The following LGR4 variants were observed in gnomAD, a reference collection of about 807,000 sequenced individuals.
LGR4 encodes the protein leucine-rich repeat-containing G protein-coupled receptor 4.
LGR4 carries 44 observed loss-of-function variants against 84.8 expected under a neutral mutation model. The observed-to-expected ratio is 0.52, with a 90% CI of 0.41 to 0.67. LGR4 has a LOEUF of 0.67. LGR4 is among the 30% of genes least tolerant of loss of function. The pLI, the probability that LGR4 is intolerant of heterozygous loss-of-function variation, is 0.00. For synonymous variants in LGR4, 429 were observed against 434.3 expected, an observed-to-expected ratio of 0.99 and a Z score of 0.15; for missense variants, 1,032 against 1,131.4, an observed-to-expected ratio of 0.91 and a Z score of 1.26.
At chr11:27,434,017 A>G (rs1007238672) in intron 1 of LGR4, among the ~76,000 whole-genome samples, 3 of 152,232 alleles carry the variant, frequency 2.0e-5, no homozygotes, top group Admixed American at 6.5e-5. Context: ...ATGGGAAAAT[A>G]TCTCCCCTAC....
Position 27,452,013 on chromosome 11 carries a change from A to C in LGR4, c.185+20105T>G, listed in dbSNP as rs965273378. On this transcript the variant is annotated intron_variant, in intron 1 of 17. Coordinates refer to ENST00000379214, the MANE Select transcript of LGR4 (RefSeq NM_018490.5). Reference sequence around the variant, plus strand: ...GGAATGTGGGCATGAAGCTGGGGGAAAAAATGGACACCCACGTAATCTTCC... The same window carrying C: ...GGAATGTGGGCATGAAGCTGGGGGACAAAATGGACACCCACGTAATCTTCC... Among the ~76,000 whole-genome samples, 4 of 152,222 alleles carry C rather than the reference A, an allele frequency of 2.6e-5. No individual in the cohort carries two copies. The East Asian group carries it at 7.7e-4, about 29-fold the overall frequency.
intron 1 of LGR4, among the ~76,000 whole-genome samples, chr11:27,456,203 G>A (rs931689561): frequency 1.3e-5 from 2 of 152,204 alleles, no homozygotes; most frequent in East Asian, 3.8e-4. Context: ...TGTGGCCACA[G>A]ATTCAATCAT....
At chr11:27,424,587 AC>A (rs571201991) in intron 1 of LGR4, among the ~76,000 whole-genome samples, 125 of 152,262 alleles carry the variant, frequency 8.2e-4, no homozygotes, top group Middle Eastern at 6.8e-3. Flanking sequence ...AGCTGATCAC[AC>A]CATTGCAGGA....
At chr11:27,385,739 C>T (rs1053586573) in intron 4 of LGR4, among the ~76,000 whole-genome samples, 2 of 149,516 alleles carry the variant, frequency 1.3e-5, no homozygotes, top group African/African-American at 4.9e-5. Context: ...AACTTTATAG[C>T]AGAAAGATAT....
At chr11:27,457,570 A>AC (rs1864597102) in intron 1 of LGR4, among the ~76,000 whole-genome samples, 1 of 152,248 alleles carries the variant, frequency 6.6e-6, no homozygotes, top group East Asian at 1.9e-4. Context: ...ATTGGTGATA[A>AC]CAAACCTCAC....
At position 27,384,360 on chromosome 11, in the gene LGR4, T is replaced by C; in HGVS notation, c.665A>G (p.Asp222Gly). The change falls in exon 6 of 18, where the codon GAT (aspartate) becomes GGT (glycine). Residue 222 changes from aspartate (D) to glycine (G), a missense_variant. Transcript: ENST00000379214. Reference sequence around the variant, plus strand: ...CAAGGTCTCCAGGTTATCTAGTCCATCAAAACAGTGTTGACTCAGGCTTCT... The same window carrying C: ...CAAGGTCTCCAGGTTATCTAGTCCACCAAAACAGTGTTGACTCAGGCTTCT... ...KIRSLSQHCFDGLDNLETLDL... is the reference protein window; with the variant it reads ...KIRSLSQHCFGGLDNLETLDL... The C allele has an allele frequency of 6.2e-7, 1 of 1,609,930 alleles. No individual in the cohort carries two copies. The highest frequency in any genetic ancestry group is 1.3e-5 in the African/African-American group (1 of 74,926).
At chr11:27,435,207 C>A (rs1334974463) in intron 1 of LGR4, among the ~76,000 whole-genome samples, 1 of 151,874 alleles carries the variant, frequency 6.6e-6, no homozygotes, top group Non-Finnish European at 1.5e-5. Flanking sequence ...GTGACGCACG[C>A]CTGTAATCCC....
intron 1 of LGR4, among the ~76,000 whole-genome samples, chr11:27,435,102 A>G (rs937246032): frequency 1.3e-5 from 2 of 152,112 alleles, no homozygotes; most frequent in African/African-American, 4.8e-5. Flanking sequence ...TTGGGAGGCC[A>G]AGTCGGGAGA....
At chr11:27,438,355 C>G (rs1864247447) in intron 1 of LGR4, among the ~76,000 whole-genome samples, 1 of 152,146 alleles carries the variant, frequency 6.6e-6, no homozygotes, top group Non-Finnish European at 1.5e-5. Flanking sequence ...CAGGGGTGAT[C>G]TGGCATTGGA....
intron 1 of LGR4, among the ~76,000 whole-genome samples, chr11:27,437,538 A>G (rs567653190): frequency 6.6e-6 from 1 of 152,304 alleles, no homozygotes; most frequent in African/African-American, 2.4e-5. Flanking sequence ...CTGGTCAGGT[A>G]TTTCCTGCAA....
intron 1 of LGR4, among the ~76,000 whole-genome samples, chr11:27,466,018 G>A (rs1009883530): frequency 6.6e-6 from 1 of 152,184 alleles, no homozygotes; most frequent in Non-Finnish European, 1.5e-5. Flanking sequence ...CTTTAACATT[G>A]CCAACAACTT....
intron 4 of LGR4, among the ~76,000 whole-genome samples, chr11:27,386,317 G>A (rs556948137): frequency 2.6e-4 from 39 of 152,272 alleles, no homozygotes; most frequent in Non-Finnish European, 4.6e-4. Flanking sequence ...GTAATTGTTG[G>A]AATAATTGCT....
intron 1 of LGR4, among the ~76,000 whole-genome samples, chr11:27,457,625 C>A (rs183717187): frequency 2.0e-5 from 3 of 152,320 alleles, no homozygotes; most frequent in Admixed American, 2.0e-4. Context: ...TTCTTATAAA[C>A]ATACATTTAC....
Position 27,367,652 on chromosome 11 carries a change from T to C in LGR4, c.*215A>G. 1 of 478,282 alleles carries C rather than the reference T, an allele frequency of 2.1e-6. No individual in the cohort carries two copies. Among genetic ancestry groups the C allele is most frequent in the Non-Finnish European group, 3.7e-6 (1 of 271,064 alleles). 29.6% of individuals were successfully genotyped at this position (478,282 alleles called of 1,614,324 possible). A position where few individuals can be genotyped will look rare whatever the true frequency, so the allele number is the denominator to read the frequency against. Reference sequence around the variant, plus strand: ...TCATATATTTGTTTCAAACAGATCATACATTGCTTGGACATTGCATTTTTC... The same window carrying C: ...TCATATATTTGTTTCAAACAGATCACACATTGCTTGGACATTGCATTTTTC... On this transcript the variant is annotated 3_prime_UTR_variant, in exon 18 of 18. Coordinates refer to ENST00000379214, the MANE Select transcript of LGR4 (RefSeq NM_018490.5).
chr11:27,394,014 T>C (rs1211213124), intron 2 of LGR4, among the ~76,000 whole-genome samples: 1 of 144,486 alleles, frequency 6.9e-6, no homozygotes, highest in Non-Finnish European at 1.5e-5. Context: ...GGGGTAAGTA[T>C]GAAGAATTAT....
chr11:27,377,414 T>C (rs909352861), intron 11 of LGR4, among the ~76,000 whole-genome samples, 191 bp from the exon 12 acceptor site: 8 of 152,066 alleles, frequency 5.3e-5, no homozygotes, highest in South Asian at 2.1e-4. Context: ...AAGCCTAAGA[T>C]TGATAAAGTT....
chr11:27,457,904 A>T (rs1864604030), intron 1 of LGR4, among the ~76,000 whole-genome samples: 1 of 152,046 alleles, frequency 6.6e-6, no homozygotes, highest in African/African-American at 2.4e-5. Context: ...GGGCAGGAGG[A>T]TCATTTGAGG....
At chr11:27,449,309 G>A (rs1864443277) in intron 1 of LGR4, among the ~76,000 whole-genome samples, 3 of 152,274 alleles carry the variant, frequency 2.0e-5, no homozygotes, top group Admixed American at 6.5e-5. Context: ...TCAGCCAGGC[G>A]AGATGGCTCA....
At chr11:27,383,294 G>C (rs1056016188) in intron 6 of LGR4, among the ~76,000 whole-genome samples, 2 of 152,118 alleles carry the variant, frequency 1.3e-5, no homozygotes, top group African/African-American at 4.8e-5. Context: ...ACCTATTTTG[G>C]TTTCCTTTTC....
Sources: gnomAD v4.1 joint callset for allele counts (sites outside exome capture counted in the v4.1 genomes callset) on GRCh38, gnomAD v4.1.1 for gene constraint, MANE v1.5 for transcripts, NCBI Gene and HGNC (gene_info 2026-07-23, HGNC 2026-07-21) for gene names.